Variants in RIN2 observed in about 807,000 individuals in gnomAD.
RIN2 encodes the protein Ras and Rab interactor 2.
In RIN2, 36 loss-of-function variants were observed where a neutral mutation model predicts 78.0. That is an observed-to-expected ratio of 0.46 (90% confidence interval 0.35 to 0.61). The LOEUF (loss-of-function observed/expected upper bound fraction) is 0.61. RIN2 is among the 20% of genes least tolerant of loss of function. The probability of loss-of-function intolerance (pLI) is 0.00; values close to 1 mark genes in which losing one functional copy is unlikely to be tolerated. For missense variants in RIN2, 1,087 were observed against 1,159.7 expected, an observed-to-expected ratio of 0.94 and a Z score of 0.91; for synonymous variants, 466 against 466.8, an observed-to-expected ratio of 1.00 and a Z score of 0.02.
At chr20:19,763,830 C>G (rs910348581) in intron 1 of RIN2, among the ~76,000 whole-genome samples, 26 of 152,278 alleles carry the variant, frequency 1.7e-4, no homozygotes, top group African/African-American at 6.0e-4. Context: ...GTTTTAAAAA[C>G]CATCCTAAGA....
rs1232035776 is a variant in RIN2 at position 19,974,713 on chromosome 20, C to G, written c.688C>G (p.Leu230Val). ...GAACCTTCCACCTCCCCATAGGCCT[C>G]TTTCCTCCGACGGTGTCTGTCCTGC... ...PPNLPPPHRP[L>V]SSDGVCPASL... Residue 230 changes from leucine (L) to valine (V), a missense_variant, in exon 9 of 13, where the codon CTT becomes GTT. Physicochemically the swap from Leu to Val is conservative, Grantham distance 32. This residue lies in a region of RIN2 where 706 missense variants were observed against 667.5 expected (regional missense o/e 1.06). Transcript: ENST00000255006. 4 of 1,614,048 alleles carry G rather than the reference C, an allele frequency of 2.5e-6. No individual in the cohort carries two copies. Among genetic ancestry groups the G allele is most frequent in the Non-Finnish European group, 1.7e-6 (2 of 1,179,908 alleles).
chr20:19,945,716 T>C (rs973904576), intron 4 of RIN2, among the ~76,000 whole-genome samples: 16 of 152,114 alleles, frequency 1.1e-4, no homozygotes, highest in African/African-American at 3.6e-4. Context: ...TGCAGGAACA[T>C]CATTGACTTT....
chr20:19,900,591 C>G (rs1269616035), intron 3 of RIN2, among the ~76,000 whole-genome samples: 2 of 151,602 alleles, frequency 1.3e-5, no homozygotes, highest in African/African-American at 2.4e-5. Context: ...GAATTAGAGA[C>G]CACCCTGGGC....
At chr20:19,852,128 T>C (rs532298375) in intron 2 of RIN2, among the ~76,000 whole-genome samples, 1 of 152,112 alleles carries the variant, frequency 6.6e-6, no homozygotes, top group Non-Finnish European at 1.5e-5. Flanking sequence ...ATTTATTCTA[T>C]TGGGCAATGC....
intron 2 of RIN2, among the ~76,000 whole-genome samples, chr20:19,874,062 GT>G (rs1205474725): frequency 2.5e-3 from 18 of 7,292 alleles, no homozygotes; most frequent in South Asian, 8.2e-3. Context: ...TCACATTTTG[GT>G]GTGTGTGTGT....
At chr20:19,913,245 A>G (rs1478430718) in intron 3 of RIN2, among the ~76,000 whole-genome samples, 1 of 150,844 alleles carries the variant, frequency 6.6e-6, no homozygotes, top group Admixed American at 6.6e-5. Flanking sequence ...TTTTTTTTTT[A>G]ATTGTGATAA....
At chr20:19,815,804 C>T (rs1376513398) in intron 2 of RIN2, among the ~76,000 whole-genome samples, 2 of 152,208 alleles carry the variant, frequency 1.3e-5, no homozygotes, top group African/African-American at 4.8e-5. Context: ...CCTTGCAAGC[C>T]ATGGTCAGCA....
At chr20:19,994,216 T>C (rs2146405111) in intron 11 of RIN2, among the ~76,000 whole-genome samples, 2 of 152,322 alleles carry the variant, frequency 1.3e-5, no homozygotes, top group South Asian at 4.1e-4. Context: ...GCTGCCTTCC[T>C]TGGGAAGTAG....
At chr20:19,833,326 A>G (rs1208053284) in intron 2 of RIN2, among the ~76,000 whole-genome samples, 1 of 150,464 alleles carries the variant, frequency 6.6e-6, no homozygotes, top group Non-Finnish European at 1.5e-5. Flanking sequence ...ATGCACGTGC[A>G]GAACATGCAG....
At chr20:19,914,290 T>C (rs1010090215) in intron 3 of RIN2, among the ~76,000 whole-genome samples, 5 of 152,220 alleles carry the variant, frequency 3.3e-5, no homozygotes, top group African/African-American at 1.2e-4. Flanking sequence ...TTTTGGTGTC[T>C]AGTTAGGCTA....
intron 4 of RIN2, among the ~76,000 whole-genome samples, chr20:19,938,417 G>T (rs1422662454): frequency 6.6e-6 from 1 of 151,642 alleles, no homozygotes; most frequent in East Asian, 1.9e-4. Flanking sequence ...AGAGATTGGG[G>T]TCTCTCTGTG....
At chr20:19,855,276 G>A (rs1312541360) in intron 2 of RIN2, among the ~76,000 whole-genome samples, 2 of 151,950 alleles carry the variant, frequency 1.3e-5, no homozygotes, top group South Asian at 2.1e-4. Context: ...TGCTGGATTC[G>A]GTTTGCCAGT....
chr20:19,808,026 G>A (rs949034949), intron 2 of RIN2, among the ~76,000 whole-genome samples: 1 of 152,226 alleles, frequency 6.6e-6, no homozygotes, highest in Non-Finnish European at 1.5e-5. Flanking sequence ...GTCTGCGGAA[G>A]AAACCTAAGC....
intron 2 of RIN2, among the ~76,000 whole-genome samples, chr20:19,871,328 G>A (rs892746834): frequency 1.3e-5 from 2 of 152,146 alleles, no homozygotes; most frequent in Non-Finnish European, 2.9e-5. Context: ...CTTACTTTGG[G>A]AGGCCAAGAC....
chr20:19,891,455 C>T (rs908777250), intron 3 of RIN2, among the ~76,000 whole-genome samples: 1 of 152,156 alleles, frequency 6.6e-6, no homozygotes, highest in African/African-American at 2.4e-5. Flanking sequence ...TAATTACCAC[C>T]TTATGATGGT....
chr20:19,926,357 G>A (rs2040220781), intron 3 of RIN2, among the ~76,000 whole-genome samples: 1 of 152,038 alleles, frequency 6.6e-6, no homozygotes, highest in Admixed American at 6.6e-5. Context: ...AAGAAGCAAT[G>A]TTCTCCAAAG....
intron 7 of RIN2, among the ~76,000 whole-genome samples, chr20:19,966,383 C>T (rs1438979311): frequency 1.3e-5 from 2 of 150,560 alleles, no homozygotes; most frequent in Admixed American, 6.6e-5. Flanking sequence ...GGTGCAATGG[C>T]GTGATCTCGG....
At chr20:19,923,985 CATACCCCCACCTTT>C (rs1301193585) in intron 3 of RIN2, among the ~76,000 whole-genome samples, 7 of 150,834 alleles carry the variant, frequency 4.6e-5, no homozygotes, top group Non-Finnish European at 1.0e-4. Context: ...TCCACCTCTT[CATACCCCCACCTTT>C]ATACCCCCAC....
Position 19,990,091 on chromosome 20 carries a change from G to A in RIN2, c.1848G>A (p.Met616Ile). Reference protein sequence around the residue: ...HVEAMLKDFHMADGSWKQLKE... With the variant: ...HVEAMLKDFHIADGSWKQLKE... ...AGGCCATGCTGAAGGACTTTCACATGGCCGATGGCTCATGGAAGCAACTCA... is the reference window on the plus strand; with the variant it reads ...AGGCCATGCTGAAGGACTTTCACATAGCCGATGGCTCATGGAAGCAACTCA... Residue 616 changes from methionine to isoleucine, a missense_variant, in exon 10 of 13, where the codon ATG (methionine) becomes ATA (isoleucine). Met to Ile is a conservative substitution (Grantham distance 10). Transcript: ENST00000255006. The A allele has an allele frequency of 1.3e-6, 2 of 1,599,134 alleles. No homozygotes were observed. The highest frequency in any genetic ancestry group is 2.3e-5 in the East Asian group (1 of 44,330).
Sources: allele counts gnomAD v4.1 joint callset (sites outside exome capture counted in the v4.1 genomes callset), GRCh38; gene constraint gnomAD v4.1.1; regional missense constraint gnomAD v4.1.1; transcripts MANE v1.5; gene names NCBI Gene and HGNC (gene_info 2026-07-23, HGNC 2026-07-21).